The following CDK14 variants were observed in gnomAD, a reference collection of about 807,000 sequenced individuals.
CDK14 encodes the protein cyclin dependent kinase 14, also known as cyclin-dependent kinase 14.
In CDK14, 34 loss-of-function variants were observed where a neutral mutation model predicts 60.7. That is an observed-to-expected ratio of 0.56 (90% confidence interval 0.43 to 0.75). CDK14 has a LOEUF of 0.75. CDK14 is among the 30% of genes least tolerant of loss of function. The pLI is 0.00. For synonymous variants in CDK14, 197 were observed against 203.7 expected, an observed-to-expected ratio of 0.97 and a Z score of 0.28; for missense variants, 482 against 564.1, an observed-to-expected ratio of 0.85 and a Z score of 1.47.
chr7:90,992,382 A>C (rs546101056), intron 10 of CDK14, among the ~76,000 whole-genome samples: 14 of 152,312 alleles, frequency 9.2e-5, no homozygotes, highest in African/African-American at 3.4e-4. Flanking sequence ...TTCATTTTCT[A>C]AGTTATTCAT....
intron 2 of CDK14, among the ~76,000 whole-genome samples, chr7:90,624,333 T>C (rs573026454): frequency 6.6e-6 from 1 of 152,218 alleles, no homozygotes; most frequent in African/African-American, 2.4e-5. Context: ...TTCGAAAAGG[T>C]AGTTATTTCT....
chr7:91,094,409 AG>A (rs1331929952), intron 12 of CDK14, among the ~76,000 whole-genome samples: 1 of 152,158 alleles, frequency 6.6e-6, no homozygotes, highest in African/African-American at 2.4e-5. Context: ...TTACAAGTGT[AG>A]CGGTGGGGGA....
At chr7:90,875,402 C>G (rs1201417719) in intron 6 of CDK14, among the ~76,000 whole-genome samples, 6 of 152,144 alleles carry the variant, frequency 3.9e-5, no homozygotes, top group African/African-American at 1.4e-4. Context: ...TCTTATAACT[C>G]TATCTTTCAG....
chr7:91,183,876 C>T (rs1802083984), intron 14 of CDK14, among the ~76,000 whole-genome samples: 1 of 152,204 alleles, frequency 6.6e-6, no homozygotes, highest in Non-Finnish European at 1.5e-5. Context: ...CTATGCCAAG[C>T]ACAGTGCTAA....
intron 3 of CDK14, among the ~76,000 whole-genome samples, chr7:90,734,224 C>T (rs1272717523): frequency 2.0e-5 from 3 of 152,158 alleles, no homozygotes; most frequent in Non-Finnish European, 4.4e-5. Context: ...TGAGTCTTCT[C>T]TCTGGCTGCC....
rs193270762 is a variant in CDK14, at chr7:91,148,221, A to C, written c.*28+30013A>C. On this transcript the variant is annotated intron_variant, in intron 14 of 14. Coordinates refer to ENST00000380050, the MANE Select transcript of CDK14 (RefSeq NM_001287135.2). ...AGAGAGACCCCATCTCTACAAAAAA[A>C]TTTTAAAAATTAGCCAGGTCCAGTG... 6.5e-3 allele frequency among the ~76,000 whole-genome samples: 990 copies of C among 152,176 alleles called. 14 individuals carry two copies. Among genetic ancestry groups the C allele is most frequent in the African/African-American group, 0.023 (941 of 41,500 alleles).
At chr7:91,050,208 G>A (rs1797350397) in intron 11 of CDK14, among the ~76,000 whole-genome samples, 1 of 152,116 alleles carries the variant, frequency 6.6e-6, no homozygotes, top group Non-Finnish European at 1.5e-5. Context: ...TTTGAACAAG[G>A]CAGCACAGGA....
intron 6 of CDK14, among the ~76,000 whole-genome samples, chr7:90,891,931 A>G (rs1792137261): frequency 6.6e-6 from 1 of 152,158 alleles, no homozygotes. Flanking sequence ...TTTCTATCTC[A>G]TGAATAGGAG....
In CDK14 at chr7:90,775,917, G is replaced by A. The variant is rs903746170; in HGVS notation, c.465-14656G>A. On this transcript the variant is annotated intron_variant, in intron 4 of 14. Coordinates refer to ENST00000380050, the MANE Select transcript of CDK14 (RefSeq NM_001287135.2). ...TATATGGTACATGTGGCATTATATG[G>A]TACATGTGGGTATTATGTTTATGTA... is the stretch of plus-strand genomic sequence containing the variant. Among the ~76,000 whole-genome samples the A allele has an allele frequency of 1.2e-4, 18 of 151,738 alleles. 1 individual carries two copies. Among genetic ancestry groups the A allele is most frequent in the African/African-American group, 4.1e-4 (17 of 41,246 alleles).
chr7:91,063,053 G>T (rs1797857218), intron 11 of CDK14, among the ~76,000 whole-genome samples: 1 of 152,160 alleles, frequency 6.6e-6, no homozygotes, highest in African/African-American at 2.4e-5. Context: ...CTGTCAGTGG[G>T]GCAGAGAAGT....
intron 1 of CDK14, among the ~76,000 whole-genome samples, chr7:90,597,700 A>G (rs1035528833): frequency 1.6e-4 from 25 of 152,254 alleles, no homozygotes; most frequent in African/African-American, 7.2e-5. Flanking sequence ...GAAATTAAAC[A>G]TAAAGGTACT....
chr7:90,741,029 T>C (rs1803321157), intron 3 of CDK14, among the ~76,000 whole-genome samples: 2 of 152,226 alleles, frequency 1.3e-5, no homozygotes, highest in African/African-American at 2.4e-5. Flanking sequence ...TTTTGGTCTA[T>C]ATTTCATTAT....
chr7:91,188,196 A>T (rs1029975889), intron 14 of CDK14, among the ~76,000 whole-genome samples: 1 of 152,172 alleles, frequency 6.6e-6, no homozygotes, highest in African/African-American at 2.4e-5. Flanking sequence ...TTTTTTAAAA[A>T]AAAAGAACTT....
intron 10 of CDK14, among the ~76,000 whole-genome samples, chr7:91,043,135 A>G (rs1797135120): frequency 6.6e-6 from 1 of 152,236 alleles, no homozygotes; most frequent in Admixed American, 6.5e-5. Context: ...GGTAATTTTT[A>G]TGGTATGACC....
chr7:91,085,259 C>A (rs998067146), intron 12 of CDK14, among the ~76,000 whole-genome samples: 7 of 152,086 alleles, frequency 4.6e-5, no homozygotes, highest in Non-Finnish European at 1.0e-4. Flanking sequence ...AGAATTTACT[C>A]CCATGCTCAT....
At chr7:90,972,724 CTGTT>C (rs1267095082) in intron 9 of CDK14, among the ~76,000 whole-genome samples, 4 of 152,172 alleles carry the variant, frequency 2.6e-5, no homozygotes, top group Non-Finnish European at 4.4e-5. Flanking sequence ...TTTCAGTGAT[CTGTT>C]TCTTTGTTGT....
At chr7:90,613,808 T>A (rs1482382288) in intron 2 of CDK14, among the ~76,000 whole-genome samples, 1 of 152,202 alleles carries the variant, frequency 6.6e-6, no homozygotes, top group Non-Finnish European at 1.5e-5. Flanking sequence ...ACATTATGCC[T>A]ATTTTCCTTC....
intron 10 of CDK14, among the ~76,000 whole-genome samples, chr7:91,014,060 T>C (rs970602437): frequency 1.3e-5 from 2 of 152,044 alleles, no homozygotes; most frequent in East Asian, 1.9e-4. Context: ...CCTTGAAATA[T>C]CACACTAGAT....
chr7:90,685,501 A>C (rs1656923545), intron 2 of CDK14, among the ~76,000 whole-genome samples: 1 of 152,052 alleles, frequency 6.6e-6, no homozygotes, highest in African/African-American at 2.4e-5. Context: ...CTTTAGAGAT[A>C]GAGTCTTGTT....
Sources: allele counts gnomAD v4.1 joint callset (sites outside exome capture counted in the v4.1 genomes callset), GRCh38; gene constraint gnomAD v4.1.1; transcripts MANE v1.5; gene names NCBI Gene and HGNC (gene_info 2026-07-23, HGNC 2026-07-21).